The following IFTAP variants were observed in gnomAD, a reference collection of about 807,000 sequenced individuals.
The protein encoded by IFTAP is intraflagellar transport-associated protein.
Under a neutral mutation model 19.4 loss-of-function variants are expected in IFTAP, and 19 were observed. The ratio of observed to expected loss-of-function variants is 0.98; its 90% CI spans 0.68 to 1.44. The LOEUF (loss-of-function observed/expected upper bound fraction) is 1.44, where lower values mean the gene tolerates loss of function less well. Among genes scored for constraint, IFTAP ranks in the 40% most tolerant of loss-of-function variants. The pLI is 0.00. For synonymous variants in IFTAP, 85 were observed against 83.5 expected (o/e 1.02, Z -0.10); for missense variants, 240 against 253.6 (o/e 0.95, Z 0.36).
intron 4 of IFTAP, among the ~76,000 whole-genome samples, chr11:36,642,522 C>T (rs1376152851): frequency 6.6e-6 from 1 of 152,130 alleles, no homozygotes; most frequent in African/African-American, 2.4e-5. Context: ...CCAGCATGAT[C>T]CTGATACCAA....
chr11:36,644,742 C>T (rs1379171154), intron 4 of IFTAP, among the ~76,000 whole-genome samples: 2 of 150,476 alleles, frequency 1.3e-5, no homozygotes, highest in Non-Finnish European at 2.9e-5. Flanking sequence ...AGCAAACTAT[C>T]GTAAGGATAA....
chr11:36,634,767 C>T (rs1852872605), intron 3 of IFTAP, among the ~76,000 whole-genome samples: 1 of 152,190 alleles, frequency 6.6e-6, no homozygotes, highest in Non-Finnish European at 1.5e-5. Flanking sequence ...GACTCATTTA[C>T]TGTCCCTTAT....
intron 4 of IFTAP, among the ~76,000 whole-genome samples, chr11:36,639,762 C>T (rs1853121725): frequency 6.6e-6 from 1 of 152,198 alleles, no homozygotes; most frequent in African/African-American, 2.4e-5. Flanking sequence ...GTACCTACCT[C>T]CAACATTGGG....
At chr11:36,607,474 T>G (rs1162214708) in intron 1 of IFTAP, among the ~76,000 whole-genome samples, 1 of 152,130 alleles carries the variant, frequency 6.6e-6, no homozygotes, top group Non-Finnish European at 1.5e-5. Context: ...TGCAAGCATA[T>G]TGGTATTTCT....
chr11:36,628,165 T>G (rs754868804), intron 2 of IFTAP, among the ~76,000 whole-genome samples: 3 of 151,082 alleles, frequency 2.0e-5, no homozygotes, highest in Admixed American at 6.6e-5. Context: ...ACAGCTCTAA[T>G]TGTGACTCCC....
At chr11:36,654,387 T>C (rs142556495) in intron 5 of IFTAP, among the ~76,000 whole-genome samples, 198 of 152,190 alleles carry the variant, frequency 1.3e-3, no homozygotes, top group African/African-American at 4.7e-3. Context: ...ATGTGCACAA[T>C]GTGCAGGTTT....
intron 5 of IFTAP, among the ~76,000 whole-genome samples, chr11:36,649,805 A>C (rs911056115): frequency 1.4e-4 from 21 of 152,154 alleles, no homozygotes; most frequent in Non-Finnish European, 2.9e-4. Context: ...ATCTGAAGTA[A>C]CATCTTGGTT....
At position 36,633,379 on chromosome 11, in the gene IFTAP, T is replaced by G. The variant is rs770886815; in HGVS notation, c.232T>G (p.Tyr78Asp). Residue 78 changes from tyrosine to aspartate, a missense_variant, in exon 3 of 6, where the codon TAC becomes GAC. Transcript: ENST00000334307. ...KVTHKNEADD[Y>D]HLRNKTIFLR... Reference sequence around the variant, plus strand: ...TACTCATAAAAATGAAGCAGATGACTACCATCTTAGAAATAAAACCATCTT... The same window carrying G: ...TACTCATAAAAATGAAGCAGATGACGACCATCTTAGAAATAAAACCATCTT... 25 of 1,604,298 alleles carry G rather than the reference T, an allele frequency of 1.6e-5. No homozygotes were observed. Among genetic ancestry groups the G allele is most frequent in the Non-Finnish European group, 2.0e-5 (24 of 1,175,730 alleles).
intron 4 of IFTAP, among the ~76,000 whole-genome samples, chr11:36,636,732 T>C (rs77166463): frequency 0.012 from 1,821 of 152,176 alleles, 21 homozygotes; most frequent in East Asian, 0.031. Flanking sequence ...ATTAAACCCT[T>C]AATACTAAAG....
At chr11:36,612,696 G>T (rs1299467940) in intron 2 of IFTAP, among the ~76,000 whole-genome samples, 1 of 151,954 alleles carries the variant, frequency 6.6e-6, no homozygotes, top group Non-Finnish European at 1.5e-5. Context: ...AGTTTCTCAA[G>T]TCCATTACCA....
intron 5 of IFTAP, among the ~76,000 whole-genome samples, chr11:36,650,693 T>G (rs1190352101): frequency 6.6e-6 from 1 of 152,174 alleles, no homozygotes; most frequent in Non-Finnish European, 1.5e-5. Context: ...CTCCTAATAC[T>G]ATCCCTCCCC....
rs534975195 is a variant in IFTAP at position 36,614,439 on chromosome 11, T to C, written c.136+4200T>C. ...AGTCCTTTGGGTATATACCCAGTAA[T>C]GGGATGGCTGGGTTAAATGGTATTT... is the stretch of plus-strand genomic sequence containing the variant. On this transcript the variant is annotated intron_variant, in intron 2 of 5. Coordinates refer to ENST00000334307, the MANE Select transcript of IFTAP (RefSeq NM_138787.4). Among the ~76,000 whole-genome samples the C allele has an allele frequency of 9.4e-5, 14 of 149,288 alleles. No homozygotes were observed. The East Asian group carries it at 1.6e-3, about 17-fold the overall frequency.
chr11:36,606,896 T>C (rs1425133775), intron 1 of IFTAP, among the ~76,000 whole-genome samples: 1 of 152,256 alleles, frequency 6.6e-6, no homozygotes, highest in Non-Finnish European at 1.5e-5. Context: ...TTACTTATCA[T>C]TATTTACTGT....
intron 1 of IFTAP, chr11:36,597,848 T>C (rs1322071334): frequency 2.6e-5 from 4 of 152,190 alleles, no homozygotes; most frequent in African/African-American, 9.6e-5. Flanking sequence ...TCTTCCTTCC[T>C]GTCTTAGGCC....
chr11:36,637,549 G>A (rs539503022), intron 4 of IFTAP, among the ~76,000 whole-genome samples: 1 of 152,060 alleles, frequency 6.6e-6, no homozygotes, highest in Non-Finnish European at 1.5e-5. Flanking sequence ...GGGTGATTTG[G>A]GGGAGGGAAC....
chr11:36,606,210 G>T (rs1203516125), intron 1 of IFTAP, among the ~76,000 whole-genome samples: 2 of 152,230 alleles, frequency 1.3e-5, no homozygotes, highest in East Asian at 3.8e-4. Context: ...TGTAATCCCA[G>T]CACTTTGGGA....
chr11:36,646,171 G>T (rs1853473468), intron 4 of IFTAP, among the ~76,000 whole-genome samples: 1 of 152,186 alleles, frequency 6.6e-6, no homozygotes, highest in South Asian at 2.1e-4. Context: ...AAATTGCAGA[G>T]TTGTCCTCCT....
chr11:36,635,091 A>G (rs1170083699), intron 3 of IFTAP, among the ~76,000 whole-genome samples: 1 of 152,198 alleles, frequency 6.6e-6, no homozygotes, highest in East Asian at 1.9e-4. Flanking sequence ...TGGCAGTACC[A>G]TTTAAAATTC....
chr11:36,623,013 A>G (rs1852365132), intron 2 of IFTAP, among the ~76,000 whole-genome samples: 4 of 152,168 alleles, frequency 2.6e-5, no homozygotes, highest in Admixed American at 2.0e-4. Flanking sequence ...AAATGTATTT[A>G]CATGCTTTGA....
Sources: allele counts gnomAD v4.1 joint callset (sites outside exome capture counted in the v4.1 genomes callset), GRCh38; gene constraint gnomAD v4.1.1; transcripts MANE v1.5; gene names NCBI Gene and HGNC (gene_info 2026-07-23, HGNC 2026-07-21).